Variants in LAMA5 observed in about 807,000 individuals in gnomAD.
The protein encoded by LAMA5 is laminin subunit alpha 5.
A neutral mutation model predicts 433.4 loss-of-function variants in LAMA5; 260 were observed. That is an observed-to-expected ratio of 0.60 (90% CI 0.54 to 0.66). LAMA5 has a LOEUF of 0.66. LAMA5 is among the 30% of genes least tolerant of loss of function. The pLI is 0.00. For synonymous variants in LAMA5, 2,620 were observed against 2,226.6 expected, an observed-to-expected ratio of 1.18 and a Z score of -4.97; for missense variants, 5,378 against 5,258.5, an observed-to-expected ratio of 1.02 and a Z score of -0.70.
intron 40 of LAMA5, chr20:62,326,395 G>C (rs1979300774): frequency 5.4e-6 from 2 of 369,776 alleles, no homozygotes; most frequent in Non-Finnish European, 9.8e-6. Flanking sequence ...ATGCTAACAG[G>C]CAGTGCATGG....
intron 46 of LAMA5, 98 bp from the exon 47 acceptor site, chr20:62,322,547 G>C: frequency 6.9e-7 from 1 of 1,442,400 alleles, no homozygotes; most frequent in South Asian, 1.3e-5. Context: ...CACCCCCTGA[G>C]GCTCTGCCCA....
chr20:62,353,305 C>T, intron 2 of LAMA5, 54 bp from the exon 3 acceptor site: 1 of 1,304,440 alleles, frequency 7.7e-7, no homozygotes. Flanking sequence ...TCCCATGCTC[C>T]CAGGGGCCTG....
chr20:62,313,532 C>T (rs1451651653), intron 63 of LAMA5, 72 bp from the exon 64 acceptor site: 3 of 1,555,940 alleles, frequency 1.9e-6, no homozygotes, highest in Non-Finnish European at 2.6e-6. Flanking sequence ...AAGGGGACTT[C>T]AGACTACAGC....
In LAMA5 at chr20:62,310,502, C is replaced by G; in HGVS notation, c.10517G>C (p.Arg3506Pro). The change falls in exon 76 of 80, where the codon CGG becomes CCG. Residue 3506 changes from arginine (R) to proline (P), a missense_variant. Physicochemically the swap from Arg to Pro is moderately radical, Grantham distance 103 (BLOSUM62 -2). Coordinates refer to ENST00000252999, the MANE Select transcript of LAMA5 (RefSeq NM_005560.6). ...LHGRPLGAPT[R>P]MAGVTPCILG... ...GATGCAGGGTGTGACCCCTGCCATC[C>G]GTGTGGGGGCCCCCAGGGGCCTCCC... The G allele has an allele frequency of 1.1e-5, 17 of 1,560,334 alleles. No individual in the cohort carries two copies. Among genetic ancestry groups the G allele is most frequent in the Non-Finnish European group, 1.4e-5 (16 of 1,160,898 alleles).
chr20:62,329,258 G>C lies in LAMA5; in HGVS notation c.4120-5C>G, dbSNP rs1188352235. On this transcript the variant is annotated splice_region_variant and splice_polypyrimidine_tract_variant and intron_variant, in intron 32 of 79. Transcript: ENST00000252999. ...AGGGACCACGAGTACATAATCCTAGGGGGTGAGGCCTGGTCACTCTCCCGC... is the reference window on the plus strand; with the variant it reads ...AGGGACCACGAGTACATAATCCTAGCGGGTGAGGCCTGGTCACTCTCCCGC... 2.2e-5 allele frequency: 36 copies of C among 1,604,230 alleles called. No individual in the cohort carries two copies. The highest frequency in any genetic ancestry group is 2.7e-5 in the African/African-American group (2 of 74,752).
intron 1 of LAMA5, among the ~76,000 whole-genome samples, chr20:62,365,355 C>G (rs998966200): frequency 1.3e-5 from 2 of 152,228 alleles, no homozygotes; most frequent in African/African-American, 4.8e-5. Context: ...TTGAGGCTGA[C>G]AGAGGGAAGC....
At chr20:62,344,249 A>AACCCTACCAACTAGACTGT (rs1983029880) in intron 11 of LAMA5, among the ~76,000 whole-genome samples, 1 of 151,800 alleles carries the variant, frequency 6.6e-6, no homozygotes, top group East Asian at 1.9e-4. Flanking sequence ...GAAAGGGAAA[A>AACCCTACCAACTAGACTGT]ACCCTACCAA....
chr20:62,336,953 G>A (rs1278125025), intron 16 of LAMA5, 167 bp from the exon 17 acceptor site: 13 of 718,128 alleles, frequency 1.8e-5, no homozygotes, highest in South Asian at 3.0e-5. Context: ...TGCTCCCTCC[G>A]CAGCAACGGA....
chr20:62,311,564 G>C, intron 71 of LAMA5, 28 bp from the exon 72 acceptor site: 1 of 1,609,840 alleles, frequency 6.2e-7, no homozygotes, highest in Non-Finnish European at 8.5e-7. Flanking sequence ...GCGGTCAGCA[G>C]CTGCGGAAGG....
chr20:62,353,452 C>G (rs991782633), intron 2 of LAMA5: 8 of 499,512 alleles, frequency 1.6e-5, no homozygotes, highest in African/African-American at 6.0e-5. Context: ...GATGAGCCCC[C>G]GGGAACCAGC....
At chr20:62,366,346 G>A (rs999299239) in intron 1 of LAMA5, among the ~76,000 whole-genome samples, 1 of 152,196 alleles carries the variant, frequency 6.6e-6, no homozygotes, top group African/African-American at 2.4e-5. Context: ...ACATCTCCCA[G>A]GGAGACTGAA....
intron 43 of LAMA5, 92 bp from the exon 44 acceptor site, chr20:62,323,948 G>T: frequency 4.1e-6 from 6 of 1,445,924 alleles, no homozygotes; most frequent in Non-Finnish European, 5.6e-6. Flanking sequence ...CACGCCAGGC[G>T]TCGGGGGCCC....
Position 62,338,453 on chromosome 20 carries a change from G to A in LAMA5, c.1618+15C>T. ...TCGAGCGCAGGTAGAGGTTGAGCGG[G>A]GAGAGGGGACTCACGCTGGCAGCCG... is the stretch of plus-strand genomic sequence containing the variant. On this transcript the variant is annotated intron_variant, in intron 12 of 79. Coordinates refer to ENST00000252999, the MANE Select transcript of LAMA5 (RefSeq NM_005560.6). 2.5e-6 allele frequency: 4 copies of A among 1,607,906 alleles called. No homozygotes were observed. Among genetic ancestry groups the A allele is most frequent in the East Asian group, 2.2e-5 (1 of 44,686 alleles).
At chr20:62,358,026 C>CA (rs1335121737) in intron 2 of LAMA5, among the ~76,000 whole-genome samples, 5 of 152,226 alleles carry the variant, frequency 3.3e-5, no homozygotes, top group African/African-American at 1.2e-4. Context: ...GCTGTGTTGT[C>CA]AGAGGCCAAT....
chr20:62,329,633 C>G (rs1979979081), intron 32 of LAMA5, 144 bp downstream of exon 32: 1 of 1,037,944 alleles, frequency 9.6e-7, no homozygotes, highest in Non-Finnish European at 1.4e-6. Context: ...ATCGGGAGGT[C>G]CCCAAAGGCA....
At chr20:62,353,402 G>A (rs1324955879) in intron 2 of LAMA5, 151 bp from the exon 3 acceptor site, 3 of 583,822 alleles carry the variant, frequency 5.1e-6, no homozygotes, top group East Asian at 3.1e-5. Flanking sequence ...TGCCTGTGTG[G>A]GGCAGACGAA....
chr20:62,309,614 T>TGGGAGGGGGCAGGGGG (rs1568884845), intron 79 of LAMA5, 102 bp downstream of exon 79: 8 of 337,108 alleles, frequency 2.4e-5, no homozygotes, highest in South Asian at 2.2e-4. Context: ...GGGAGGAGGG[T>TGGGAGGGGGCAGGGGG]GGGAGGGGGC....
chr20:62,341,633 A>G (rs1982597386), intron 11 of LAMA5, among the ~76,000 whole-genome samples: 1 of 151,918 alleles, frequency 6.6e-6, no homozygotes, highest in African/African-American at 2.4e-5. Flanking sequence ...ACAGACTAAA[A>G]ATAATAACTC....
chr20:62,326,639 C>A (rs1979335878), intron 40 of LAMA5, 38 bp downstream of exon 40: 2 of 1,549,488 alleles, frequency 1.3e-6, no homozygotes, highest in African/African-American at 2.7e-5. Flanking sequence ...GAGCTGAGGT[C>A]CATGAGGGAC....
Sources: allele counts gnomAD v4.1 joint callset (sites outside exome capture counted in the v4.1 genomes callset), GRCh38; gene constraint gnomAD v4.1.1; transcripts MANE v1.5; gene names NCBI Gene and HGNC (gene_info 2026-07-23, HGNC 2026-07-21).